Variants in ADAMTSL5 observed in about 807,000 individuals in gnomAD.
The protein encoded by ADAMTSL5 is ADAMTS-like protein 5.
A neutral mutation model predicts 51.7 loss-of-function variants in ADAMTSL5; 53 were observed. That is an observed-to-expected ratio of 1.03 (90% confidence interval 0.82 to 1.29). The LOEUF (loss-of-function observed/expected upper bound fraction) is 1.29, where lower values mean the gene tolerates loss of function less well. ADAMTSL5 is among the 50% of genes most tolerant of loss of function. ADAMTSL5 has a pLI of 0.00. For synonymous variants in ADAMTSL5, 285 were observed against 278.7 expected, an observed-to-expected ratio of 1.02 and a Z score of -0.23; for missense variants, 770 against 676.2, an observed-to-expected ratio of 1.14 and a Z score of -1.54.
At chr19:1,512,241 G>A (rs1913298298) in intron 1 of ADAMTSL5, among the ~76,000 whole-genome samples, 1 of 152,212 alleles carries the variant, frequency 6.6e-6, no homozygotes, top group African/African-American at 2.4e-5. Flanking sequence ...CCAGCATTTG[G>A]ACTTCTGAGG....
chr19:1,508,326 G>T, intron 6 of ADAMTSL5, 117 bp downstream of exon 6: 1 of 1,322,846 alleles, frequency 7.6e-7, no homozygotes, highest in Non-Finnish European at 1.0e-6. Flanking sequence ...GGGGGAAGGC[G>T]GTGGAGCCTA....
At position 1,508,489 on chromosome 19, in the gene ADAMTSL5, G is replaced by T. The variant is rs1913084873; in HGVS notation, c.443C>A (p.Ala148Asp). Residue 148 changes from alanine (A) to aspartate (D), a missense_variant, in exon 6 of 12, where the codon GCC becomes GAC. Physicochemically the swap from Ala to Asp is moderately radical, Grantham distance 126. Coordinates refer to ENST00000330475, the MANE Select transcript of ADAMTSL5 (RefSeq NM_213604.3). ...GACCCCCTGGGCACCCGGGCTGCAG[G>T]CGGTGCCGTCCAGGACGCGGCCGAA... is the stretch of plus-strand genomic sequence containing the variant. ...HSFGRVLDGT[A>D]CSPGAQGVCV... The T allele has an allele frequency of 6.3e-7, 1 of 1,586,690 alleles. No homozygotes were observed. The highest frequency in any genetic ancestry group is 1.1e-5 in the South Asian group (1 of 88,512).
At position 1,510,838 on chromosome 19, in the gene ADAMTSL5, C is replaced by A. The variant is rs377639947; in HGVS notation, c.99+7G>T. ...TCGCCACCCCCTGGGCTCATGCCCCCCCTTACCTGAGCACTGACCCCCAAA... is the reference window on the plus strand; with the variant it reads ...TCGCCACCCCCTGGGCTCATGCCCCACCTTACCTGAGCACTGACCCCCAAA... On this transcript the variant is annotated splice_region_variant and intron_variant, in intron 2 of 11. Transcript: ENST00000330475. 29 of 1,546,172 alleles carry A rather than the reference C, an allele frequency of 1.9e-5. No individual in the cohort carries two copies. The highest frequency in any genetic ancestry group is 2.4e-5 in the East Asian group (1 of 40,972).
chr19:1,507,475 G>A, intron 8 of ADAMTSL5, 70 bp from the exon 9 acceptor site: 3 of 1,610,402 alleles, frequency 1.9e-6, no homozygotes, highest in Non-Finnish European at 2.5e-6. Context: ...CCCTCCTCAG[G>A]CCTCAGTCTC....
At position 1,507,973 on chromosome 19, in the gene ADAMTSL5, C is replaced by T. The variant is rs1469180121; in HGVS notation, c.601+25G>A. ...TAAAGGGCCCACTCTGACGTGTGTG[C>T]AGGGAGGGCGGGGCAGGTAGTCACC... On this transcript the variant is annotated intron_variant, in intron 7 of 11. Coordinates refer to ENST00000330475, the MANE Select transcript of ADAMTSL5 (RefSeq NM_213604.3). 5 of 1,566,876 alleles carry T rather than the reference C, an allele frequency of 3.2e-6. No individual in the cohort carries two copies. The South Asian group carries it at 4.7e-5, about 15-fold the overall frequency.
At chr19:1,508,652 C>T in intron 5 of ADAMTSL5, 82 bp from the exon 6 acceptor site, 1 of 1,427,400 alleles carries the variant, frequency 7.0e-7, no homozygotes, top group East Asian at 2.7e-5. Flanking sequence ...AGGCAACCAT[C>T]ACTTTGGGCA....
rs1912999688 is a variant in ADAMTSL5 at position 1,507,392 on chromosome 19, G to GC, written c.701dup (p.Asp235ArgfsTer7). On this transcript the variant is annotated frameshift_variant, in exon 9 of 12. Coordinates refer to ENST00000330475, the MANE Select transcript of ADAMTSL5 (RefSeq NM_213604.3). LOFTEE classifies it high-confidence loss of function. ...GCCCATTAAGCACGTAGCGCCCATCGCCCCCCATCAGTGCTGCAAGGGAAC... is the reference window on the plus strand; with the variant it reads ...GCCCATTAAGCACGTAGCGCCCATCGCCCCCCCATCAGTGCTGCAAGGGAAC... 2 of 1,573,174 alleles carry GC rather than the reference G, an allele frequency of 1.3e-6. No individual in the cohort carries two copies. The highest frequency in any genetic ancestry group is 2.4e-5 in the South Asian group (2 of 84,528).
chr19:1,510,846 T>C lies in ADAMTSL5; in HGVS notation c.98A>G (p.Gln33Arg). 4.5e-6 allele frequency: 7 copies of C among 1,546,066 alleles called. No individual in the cohort carries two copies. The highest frequency in any genetic ancestry group is 6.1e-6 in the Non-Finnish European group (7 of 1,152,918). The change falls in exon 2 of 12, where the codon CAG (glutamine) becomes CGG (arginine). Residue 33 changes from glutamine (Q) to arginine (R), a missense_variant and splice_region_variant. Transcript: ENST00000330475. ...LLNCGLGVSA[Q>R]GPGEWTPWVS... ...CCCTGGGCTCATGCCCCCCCTTACC[T>C]GAGCACTGACCCCCAAACCACAGTT...
rs1163260760 is a variant in ADAMTSL5 at position 1,507,466 on chromosome 19, C to G, written c.689-61G>C. On this transcript the variant is annotated intron_variant, in intron 8 of 11. Transcript: ENST00000330475. ...TCTCGTCTCCCAGACCCTGGGGTCC[C>G]CTCCTCAGGCCTCAGTCTCCCCATC... The G allele has an allele frequency of 5.6e-6, 9 of 1,607,472 alleles. No homozygotes were observed. In the Admixed American group the frequency reaches 1.2e-4, roughly 21 times the overall value.
At chr19:1,508,151 G>T (rs1568242637) in intron 6 of ADAMTSL5, 42 bp from the exon 7 acceptor site, 1 of 1,560,212 alleles carries the variant, frequency 6.4e-7, no homozygotes, top group Non-Finnish European at 8.7e-7. Context: ...GACGCTGGGA[G>T]GGGCAGGACC....
chr19:1,507,709 T>C (rs1913023073), intron 7 of ADAMTSL5, 66 bp from the exon 8 acceptor site: 20 of 1,495,868 alleles, frequency 1.3e-5, no homozygotes, highest in Non-Finnish European at 1.6e-5. Context: ...GACTTGAGGA[T>C]TTAATGAGCT....
At chr19:1,511,552 T>C (rs1480162704) in intron 1 of ADAMTSL5, 1 of 1,215,158 alleles carries the variant, frequency 8.2e-7, no homozygotes, top group Non-Finnish European at 1.1e-6. Flanking sequence ...GGAGGGATCA[T>C]TCAAAAATAG....
Position 1,508,460 on chromosome 19 carries a change from C to G in ADAMTSL5, c.472G>C (p.Val158Leu). 6.4e-7 allele frequency: 1 copy of G among 1,568,964 alleles called. No homozygotes were observed. Among genetic ancestry groups the G allele is most frequent in the South Asian group, 1.2e-5 (1 of 86,340 alleles). The change falls in exon 6 of 12, where the codon GTG (valine) becomes CTG (leucine). Residue 158 changes from valine (V) to leucine (L), a missense_variant. By Grantham distance (32) the Val-to-Leu change is conservative. Coordinates refer to ENST00000330475, the MANE Select transcript of ADAMTSL5 (RefSeq NM_213604.3). ...ACSPGAQGVC[V>L]AGRCLSAGCD... is the part of the protein sequence containing the mutation. ...GTCCTTACAAGGCAGCGGCCAGCCA[C>G]GCAGACCCCCTGGGCACCCGGGCTG...
chr19:1,509,023 T>C (rs1208097036), intron 5 of ADAMTSL5: 1 of 152,334 alleles, frequency 6.6e-6, no homozygotes, highest in Non-Finnish European at 1.5e-5. Flanking sequence ...GGTGGGCAGA[T>C]CTCCTGAGGC....
At chr19:1,511,504 A>G in intron 1 of ADAMTSL5, 2 of 1,171,766 alleles carry the variant, frequency 1.7e-6, no homozygotes, top group South Asian at 1.6e-5. Context: ...ATTGTGCTAT[A>G]ATGCAGACAG....
intron 6 of ADAMTSL5, 93 bp from the exon 7 acceptor site, chr19:1,508,202 G>A: frequency 4.3e-5 from 60 of 1,396,818 alleles, no homozygotes; most frequent in Non-Finnish European, 5.7e-5. Flanking sequence ...GACGAGGCCT[G>A]GAGGGAAGAT....
rs375573596 is a variant in ADAMTSL5, at chr19:1,508,081, G to A, written c.518C>T (p.Ser173Leu). 2.5e-5 allele frequency: 41 copies of A among 1,610,350 alleles called. No homozygotes were observed. The highest frequency in any genetic ancestry group is 1.7e-4 in the African/African-American group (13 of 74,810). ...GCCACAGCGGTCCTCGAGGGCACCC[G>A]AGCCCAACAACCCATCACAGCCGGC... is the stretch of plus-strand genomic sequence containing the variant. ...LSAGCDGLLGSGALEDRCGRC... is the reference protein window; with the variant it reads ...LSAGCDGLLGLGALEDRCGRC... Residue 173 changes from serine (S) to leucine (L), a missense_variant, in exon 7 of 12, where the codon TCG becomes TTG. Ser to Leu is a moderately radical substitution (Grantham distance 145). Transcript: ENST00000330475.
chr19:1,506,369 T>G lies in ADAMTSL5; in HGVS notation c.1115-53A>C. 96 of 1,519,554 alleles carry G rather than the reference T, an allele frequency of 6.3e-5. No individual in the cohort carries two copies. The highest frequency in any genetic ancestry group is 7.9e-5 in the Non-Finnish European group (89 of 1,127,476). 94.1% of individuals were successfully genotyped at this position (1,519,554 alleles called of 1,614,324 possible). A position where few individuals can be genotyped will look rare whatever the true frequency, so the allele number is the denominator to read the frequency against. On this transcript the variant is annotated intron_variant, in intron 11 of 11. Transcript: ENST00000330475. This position sits in a 1 kb window ranked among gnomAD's most constrained non-coding sequence, Gnocchi z 5.6. ...GGCTGCTCAACTCTGCGCAAATCTC[T>G]ACGCCCCCTCCCTTGCCAGAAGAGG...
At chr19:1,508,613 G>A (rs1363024013) in intron 5 of ADAMTSL5, 43 bp from the exon 6 acceptor site, 2 of 1,471,340 alleles carry the variant, frequency 1.4e-6, no homozygotes, top group South Asian at 1.3e-5. Context: ...CCCTGTTCGA[G>A]CTCCAGTCCC....
Sources: gnomAD v4.1 joint callset for allele counts (sites outside exome capture counted in the v4.1 genomes callset) on GRCh38, gnomAD v4.1.1 for gene constraint, Gnocchi (gnomAD v3.1) non-coding constraint, MANE v1.5 for transcripts, NCBI Gene and HGNC (gene_info 2026-07-23, HGNC 2026-07-21) for gene names.